PAK1: variants seen among roughly 807,000 people sequenced by gnomAD.
PAK1 encodes p21 (RAC1) activated kinase 1.
Under a neutral mutation model 67.4 loss-of-function variants are expected in PAK1, and 29 were observed. That is an observed-to-expected ratio of 0.43 (90% CI 0.32 to 0.59). PAK1 has a LOEUF of 0.59. Ranked by LOEUF, PAK1 falls within the 20% of genes least tolerant of loss-of-function variation. The probability of loss-of-function intolerance (pLI) is 0.07; values close to 1 mark genes in which losing one functional copy is unlikely to be tolerated. For synonymous variants in PAK1, 223 were observed against 237.4 expected, an observed-to-expected ratio of 0.94 and a Z score of 0.56; for missense variants, 337 against 670.7, an observed-to-expected ratio of 0.50 and a Z score of 5.50.
chr11:77,482,597 CTTTT>C, the PAK1 span, among the ~76,000 whole-genome samples: 1 of 137,436 alleles, frequency 7.3e-6, no homozygotes. Flanking sequence ...CTCTTTTTTT[CTTTT>C]TTTTTTTTTT....
At chr11:77,466,984 T>C (rs1957627571) in intron 1 of PAK1, among the ~76,000 whole-genome samples, 1 of 152,196 alleles carries the variant, frequency 6.6e-6, no homozygotes, top group East Asian at 1.9e-4. Context: ...TTGTACATTA[T>C]ACAAAAGGCC....
chr11:77,450,323 T>C (rs138151506), intron 1 of PAK1, among the ~76,000 whole-genome samples: 123 of 152,220 alleles, frequency 8.1e-4, no homozygotes, highest in African/African-American at 2.9e-3. Context: ...CCAACTCTTG[T>C]GCATTAAAGC....
the PAK1 span, among the ~76,000 whole-genome samples, chr11:77,522,331 T>C: frequency 6.6e-6 from 1 of 152,246 alleles, no homozygotes; most frequent in East Asian, 1.9e-4. Context: ...GCATGGGGAC[T>C]GTGTAGACAA....
chr11:77,386,285 T>C (rs1950440529), intron 2 of PAK1, among the ~76,000 whole-genome samples: 1 of 152,202 alleles, frequency 6.6e-6, no homozygotes, highest in Non-Finnish European at 1.5e-5. Context: ...CTCAAGGCAG[T>C]AAAACGTTCC....
chr11:77,449,021 G>A (rs1956737488), intron 1 of PAK1, among the ~76,000 whole-genome samples: 1 of 152,214 alleles, frequency 6.6e-6, no homozygotes, highest in Non-Finnish European at 1.5e-5. Context: ...ATGATATACA[G>A]GGTGAGTGTT....
intron 1 of PAK1, among the ~76,000 whole-genome samples, chr11:77,443,727 C>G (rs978687440): frequency 7.2e-5 from 11 of 152,026 alleles, no homozygotes; most frequent in African/African-American, 2.7e-4. Context: ...ACCAAGGGAT[C>G]TCGAAGTATC....
intron 1 of PAK1, among the ~76,000 whole-genome samples, chr11:77,400,877 T>C (rs1340533636): frequency 6.6e-6 from 1 of 152,122 alleles, no homozygotes; most frequent in Non-Finnish European, 1.5e-5. Flanking sequence ...GACAGAACAG[T>C]AAACAAGTCA....
chr11:77,395,769 A>G (rs1283312712), intron 1 of PAK1, among the ~76,000 whole-genome samples: 1 of 152,232 alleles, frequency 6.6e-6, no homozygotes, highest in Non-Finnish European at 1.5e-5. Context: ...CTTTTTGAAC[A>G]AAAGAAATCA....
At chr11:77,502,169 G>A in the PAK1 span, among the ~76,000 whole-genome samples, 9 of 152,238 alleles carry the variant, frequency 5.9e-5, no homozygotes, top group East Asian at 1.9e-4. Context: ...TTTTGTGTGC[G>A]TGTATGTGCA....
chr11:77,468,246 G>T (rs1465065693), intron 1 of PAK1, among the ~76,000 whole-genome samples: 1 of 152,102 alleles, frequency 6.6e-6, no homozygotes, highest in Non-Finnish European at 1.5e-5. Context: ...AGGAACAAAA[G>T]CCAAGACATA....
At chr11:77,529,272 T>G in the PAK1 span, among the ~76,000 whole-genome samples, 1 of 152,228 alleles carries the variant, frequency 6.6e-6, no homozygotes, top group Non-Finnish European at 1.5e-5. Flanking sequence ...TAGAATCATT[T>G]TGCTACTTAG....
intron 1 of PAK1, among the ~76,000 whole-genome samples, chr11:77,395,903 T>A (rs1951767115): frequency 6.6e-6 from 1 of 152,124 alleles, no homozygotes; most frequent in African/African-American, 2.4e-5. Context: ...GTCCCTCAGC[T>A]CCCGCAAGAG....
chr11:77,491,023 C>T, the PAK1 span, among the ~76,000 whole-genome samples: 1 of 151,828 alleles, frequency 6.6e-6, no homozygotes, highest in Non-Finnish European at 1.5e-5. Flanking sequence ...CCTAGGAAAA[C>T]CAGAGACCTT....
At chr11:77,415,389 T>C (rs979483315) in intron 1 of PAK1, among the ~76,000 whole-genome samples, 2 of 152,204 alleles carry the variant, frequency 1.3e-5, no homozygotes, top group African/African-American at 4.8e-5. Flanking sequence ...AAAGTGTCAT[T>C]AGGTGATTTC....
In PAK1 at chr11:77,353,608, G is replaced by A. The variant is rs974611339; in HGVS notation, c.773-9C>T. 17 of 1,597,098 alleles carry A rather than the reference G, an allele frequency of 1.1e-5. No individual in the cohort carries two copies. The African/African-American group carries it at 2.0e-4, about 19-fold the overall frequency. ...CACACTCACTATGCTTCCTTTGAAA[G>A]AAACAGAGACCATGAATCATTTTTT... is the stretch of plus-strand genomic sequence containing the variant. On this transcript the variant is annotated splice_polypyrimidine_tract_variant and intron_variant, in intron 7 of 14. Transcript: ENST00000356341.
intron 5 of PAK1, among the ~76,000 whole-genome samples, chr11:77,362,696 A>G (rs1397780157): frequency 6.6e-6 from 1 of 152,230 alleles, no homozygotes; most frequent in African/African-American, 2.4e-5. Context: ...CATTTTTAAA[A>G]TACTCAAATA....
chr11:77,459,045 A>G (rs1957201969), intron 1 of PAK1, among the ~76,000 whole-genome samples: 1 of 152,252 alleles, frequency 6.6e-6, no homozygotes, highest in Admixed American at 6.5e-5. Flanking sequence ...AGAGGAAAAC[A>G]GAATTCCAGG....
chr11:77,367,471 C>T (rs1947761068), intron 5 of PAK1, among the ~76,000 whole-genome samples: 1 of 152,054 alleles, frequency 6.6e-6, no homozygotes, highest in Non-Finnish European at 1.5e-5. Flanking sequence ...CATTACCTTC[C>T]TTAGAGATAA....
At chr11:77,517,636 C>A in the PAK1 span, among the ~76,000 whole-genome samples, 3 of 151,952 alleles carry the variant, frequency 2.0e-5, no homozygotes, top group Non-Finnish European at 2.9e-5. Context: ...AGGATGAAAC[C>A]TGAAATATAA....
Sources: gnomAD v4.1 joint callset for allele counts (sites outside exome capture counted in the v4.1 genomes callset) on GRCh38, gnomAD v4.1.1 for gene constraint, MANE v1.5 for transcripts, NCBI Gene and HGNC (gene_info 2026-07-23, HGNC 2026-07-21) for gene names.